The following PCCA variants were observed in gnomAD, a reference collection of about 807,000 sequenced individuals.
The protein encoded by PCCA is propionyl-CoA carboxylase subunit alpha.
Under a neutral mutation model 101.3 loss-of-function variants are expected in PCCA, and 74 were observed. The observed-to-expected ratio is 0.73, with a 90% CI of 0.61 to 0.89. PCCA has a LOEUF of 0.89. Ranked by LOEUF, PCCA falls within the 40% of genes least tolerant of loss-of-function variation. The probability of loss-of-function intolerance (pLI) is 0.00; values close to 1 mark genes in which losing one functional copy is unlikely to be tolerated. For synonymous variants in PCCA, 294 were observed against 313.6 expected, an observed-to-expected ratio of 0.94 and a Z score of 0.66; for missense variants, 891 against 907.0, an observed-to-expected ratio of 0.98 and a Z score of 0.23.
chr13:100,192,694 C>T (rs9518023), intron 6 of PCCA, among the ~76,000 whole-genome samples: 59,933 of 152,040 alleles, frequency 0.39, 12,748 homozygotes, highest in Middle Eastern at 0.54. Flanking sequence ...CAGACCCTGT[C>T]TTAAAAAGAA....
chr13:100,436,136 C>T (rs1027933713), intron 20 of PCCA, among the ~76,000 whole-genome samples: 1 of 152,124 alleles, frequency 6.6e-6, no homozygotes, highest in Non-Finnish European at 1.5e-5. Flanking sequence ...GGCCCGGATA[C>T]CGAATCTTCT....
At chr13:100,385,043 T>C (rs151162062) in intron 19 of PCCA, among the ~76,000 whole-genome samples, 2 of 152,160 alleles carry the variant, frequency 1.3e-5, no homozygotes, top group Non-Finnish European at 2.9e-5. Context: ...ACTACTTCTC[T>C]TCTTAGGTAA....
At position 100,340,151 on chromosome 13, in the gene PCCA, C is replaced by T. The variant is rs768101990; in HGVS notation, c.1541-6C>T. 6.8e-7 allele frequency: 1 copy of T among 1,465,982 alleles called. No homozygotes were observed. The highest frequency in any genetic ancestry group is 2.3e-5 in the East Asian group (1 of 44,174). The allele number at this position is 1,465,982 out of a possible 1,614,324, so 90.8% of individuals were successfully genotyped here. A position where few individuals can be genotyped will look rare whatever the true frequency, so the allele number is the denominator to read the frequency against. On this transcript the variant is annotated splice_polypyrimidine_tract_variant and splice_region_variant and intron_variant, in intron 17 of 23. Transcript: ENST00000376285. The stretch of plus-strand genomic sequence containing the variant: ...ATTGATTGATTGGTTGATTGATTTC[C>T]CTCAGGACACATGCTAACCAAGAGT...
intron 19 of PCCA, 143 bp downstream of exon 19, chr13:100,368,717 G>A (rs1295258329): frequency 1.6e-6 from 1 of 641,298 alleles, no homozygotes; most frequent in Non-Finnish European, 2.8e-6. Context: ...AAGCTGAATG[G>A]AAATGGAAAT....
intron 16 of PCCA, among the ~76,000 whole-genome samples, chr13:100,320,013 T>C (rs1156598878): frequency 6.6e-6 from 1 of 152,202 alleles, no homozygotes; most frequent in African/African-American, 2.4e-5. Flanking sequence ...GAGCAGTGTT[T>C]TGTAGTTCTG....
At chr13:100,290,730 A>G (rs550766540) in intron 12 of PCCA, among the ~76,000 whole-genome samples, 7 of 152,212 alleles carry the variant, frequency 4.6e-5, no homozygotes, top group African/African-American at 1.2e-4. Flanking sequence ...AGTTTTTGCA[A>G]TTTAGGTCTA....
chr13:100,388,305 C>CA (rs1265710698), intron 19 of PCCA, among the ~76,000 whole-genome samples: 18 of 150,158 alleles, frequency 1.2e-4, no homozygotes, highest in Admixed American at 3.3e-4. Flanking sequence ...CCTGTCTCTA[C>CA]AAAAAAAAAT....
intron 20 of PCCA, among the ~76,000 whole-genome samples, chr13:100,447,472 G>T (rs7333679): frequency 0.57 from 85,631 of 151,506 alleles, 26,264 homozygotes; most frequent in African/African-American, 0.82. Flanking sequence ...AGGAGTTCGA[G>T]ACCAGCCTGG....
intron 18 of PCCA, among the ~76,000 whole-genome samples, chr13:100,343,324 G>T (rs2071680242): frequency 6.6e-6 from 1 of 152,164 alleles, no homozygotes; most frequent in Non-Finnish European, 1.5e-5. Flanking sequence ...TCATCGGTCA[G>T]TGGAGAAACA....
chr13:100,326,145 T>C (rs2068651118), intron 16 of PCCA, among the ~76,000 whole-genome samples: 1 of 152,186 alleles, frequency 6.6e-6, no homozygotes, highest in Admixed American at 6.5e-5. Context: ...CTGGATGTTG[T>C]GCATGACTTC....
intron 1 of PCCA, among the ~76,000 whole-genome samples, 168 bp downstream of exon 1, chr13:100,089,393 G>T (rs2152191466): frequency 6.6e-6 from 1 of 152,378 alleles, no homozygotes; most frequent in East Asian, 1.9e-4. Flanking sequence ...TCGCGTGGCA[G>T]CGGGCTCAGG....
At chr13:100,250,366 AT>A (rs2061678465) in intron 8 of PCCA, among the ~76,000 whole-genome samples, 1 of 152,024 alleles carries the variant, frequency 6.6e-6, no homozygotes, top group African/African-American at 2.4e-5. Flanking sequence ...ACATTAATTG[AT>A]TTTTGGATGT....
At chr13:100,170,481 A>G (rs1415691919) in intron 6 of PCCA, among the ~76,000 whole-genome samples, 5 of 152,208 alleles carry the variant, frequency 3.3e-5, no homozygotes, top group African/African-American at 9.7e-5. Context: ...TTATTTAAGG[A>G]TATTACAATG....
chr13:100,317,898 C>T (rs1337366643), intron 16 of PCCA, among the ~76,000 whole-genome samples: 1 of 152,142 alleles, frequency 6.6e-6, no homozygotes, highest in Non-Finnish European at 1.5e-5. Context: ...CTCATCTCCC[C>T]ATTCTTGCCA....
At chr13:100,415,957 A>G (rs898137548) in intron 19 of PCCA, among the ~76,000 whole-genome samples, 9 of 152,148 alleles carry the variant, frequency 5.9e-5, no homozygotes, top group Admixed American at 3.3e-4. Context: ...TTTTAATGGT[A>G]AAGGATGTCA....
intron 20 of PCCA, among the ~76,000 whole-genome samples, chr13:100,430,796 G>T (rs1327758334): frequency 1.3e-5 from 2 of 152,108 alleles, no homozygotes; most frequent in Non-Finnish European, 2.9e-5. Flanking sequence ...GGCCAGGTGG[G>T]TTTCTCTGTG....
At chr13:100,092,249 C>T (rs1308844334) in intron 1 of PCCA, among the ~76,000 whole-genome samples, 1 of 152,110 alleles carries the variant, frequency 6.6e-6, no homozygotes, top group Non-Finnish European at 1.5e-5. Flanking sequence ...ATCCTTATAA[C>T]AACTAGGTAA....
chr13:100,370,604 C>T (rs1405547393), intron 19 of PCCA, among the ~76,000 whole-genome samples: 3 of 152,072 alleles, frequency 2.0e-5, no homozygotes, highest in Admixed American at 2.0e-4. Flanking sequence ...TATTTATTGG[C>T]TTAGCTACTG....
chr13:100,514,812 T>C (rs1234445770), intron 21 of PCCA, among the ~76,000 whole-genome samples: 1 of 152,212 alleles, frequency 6.6e-6, no homozygotes, highest in East Asian at 1.9e-4. Flanking sequence ...TTCCTAACCA[T>C]CTTGTTACAT....
Sources: allele counts gnomAD v4.1 joint callset (sites outside exome capture counted in the v4.1 genomes callset), GRCh38; gene constraint gnomAD v4.1.1; transcripts MANE v1.5; gene names NCBI Gene and HGNC (gene_info 2026-07-23, HGNC 2026-07-21).